METTL25: variants seen among roughly 807,000 people sequenced by gnomAD.
METTL25 encodes methyltransferase like 25.
A neutral mutation model predicts 71.6 loss-of-function variants in METTL25; 64 were observed. The ratio of observed to expected loss-of-function variants is 0.89; its 90% confidence interval spans 0.73 to 1.10. The LOEUF (loss-of-function observed/expected upper bound fraction) is 1.10, where lower values mean the gene tolerates loss of function less well. Among genes scored for constraint, METTL25 ranks in the 50% least tolerant of loss-of-function variants. The pLI, the probability that METTL25 is intolerant of heterozygous loss-of-function variation, is 0.00. For missense variants in METTL25, 807 were observed against 707.0 expected, an observed-to-expected ratio of 1.14 and a Z score of -1.60; for synonymous variants, 287 against 250.3, an observed-to-expected ratio of 1.15 and a Z score of -1.38.
chr12:82,476,316 C>CA (rs528243904), intron 9 of METTL25: 1 of 203,134 alleles, frequency 4.9e-6, no homozygotes, highest in Non-Finnish European at 9.8e-6. Flanking sequence ...TAATTTTAGT[C>CA]AAAAAATGTT....
At chr12:82,370,218 T>G (rs1883067953) in intron 1 of METTL25, among the ~76,000 whole-genome samples, 1 of 152,096 alleles carries the variant, frequency 6.6e-6, no homozygotes, top group African/African-American at 2.4e-5. Flanking sequence ...GGATCCTTGG[T>G]AGAAGTTGTT....
intron 9 of METTL25, among the ~76,000 whole-genome samples, chr12:82,476,045 A>G (rs1000890123): frequency 6.6e-6 from 1 of 152,132 alleles, no homozygotes; most frequent in Non-Finnish European, 1.5e-5. Flanking sequence ...AATAAATACA[A>G]TTGACTCAGT....
intron 3 of METTL25, among the ~76,000 whole-genome samples, chr12:82,396,178 C>T (rs113953989): frequency 4.1e-4 from 62 of 152,152 alleles, no homozygotes; most frequent in African/African-American, 1.4e-3. Flanking sequence ...TAAGCACACT[C>T]AAAGATGTTT....
intron 5 of METTL25, among the ~76,000 whole-genome samples, chr12:82,425,471 AG>A (rs1416716498): frequency 6.6e-6 from 1 of 152,094 alleles, no homozygotes; most frequent in African/African-American, 2.4e-5. Flanking sequence ...CAAATAAGAA[AG>A]AATGGCATTA....
intron 5 of METTL25, among the ~76,000 whole-genome samples, chr12:82,421,490 T>TA (rs1888487368): frequency 6.6e-6 from 1 of 152,180 alleles, no homozygotes; most frequent in African/African-American, 2.4e-5. Context: ...TAATTTTACA[T>TA]ATGTTGATTT....
intron 8 of METTL25, among the ~76,000 whole-genome samples, chr12:82,446,814 A>C (rs1447105615): frequency 6.6e-6 from 1 of 151,356 alleles, no homozygotes; most frequent in Non-Finnish European, 1.5e-5. Flanking sequence ...ACGGGGTTTC[A>C]CTATGTTGGC....
intron 1 of METTL25, among the ~76,000 whole-genome samples, chr12:82,362,368 G>A (rs553154143): frequency 6.6e-6 from 1 of 152,256 alleles, no homozygotes; most frequent in East Asian, 1.9e-4. Context: ...ACTTCAACTC[G>A]TTGTACATTA....
intron 8 of METTL25, among the ~76,000 whole-genome samples, chr12:82,453,904 T>C (rs1264744310): frequency 1.3e-5 from 2 of 152,116 alleles, no homozygotes; most frequent in African/African-American, 4.8e-5. Flanking sequence ...AAGACAGCTG[T>C]GTTCCAGCTG....
intron 8 of METTL25, among the ~76,000 whole-genome samples, chr12:82,444,029 A>G (rs1890557343): frequency 6.6e-6 from 1 of 152,206 alleles, no homozygotes; most frequent in Non-Finnish European, 1.5e-5. Context: ...TCAAGGAAAT[A>G]ATACAGAAAA....
At chr12:82,381,710 G>A (rs1252393274) in intron 1 of METTL25, among the ~76,000 whole-genome samples, 1 of 152,198 alleles carries the variant, frequency 6.6e-6, no homozygotes, top group Admixed American at 6.5e-5. Context: ...CGGTTAAGCT[G>A]TATTAAACAA....
chr12:82,364,652 A>G (rs556974332), intron 1 of METTL25, among the ~76,000 whole-genome samples: 1 of 152,336 alleles, frequency 6.6e-6, no homozygotes, highest in African/African-American at 2.4e-5. Context: ...GCAAAGATTA[A>G]AGATGATGTA....
chr12:82,474,830 A>G (rs1892790732), intron 9 of METTL25, among the ~76,000 whole-genome samples: 1 of 152,226 alleles, frequency 6.6e-6, no homozygotes, highest in Non-Finnish European at 1.5e-5. Context: ...AATGAGAAAG[A>G]GAAACAAAAC....
At chr12:82,428,915 G>T (rs1243894403) in intron 5 of METTL25, among the ~76,000 whole-genome samples, 1 of 151,692 alleles carries the variant, frequency 6.6e-6, no homozygotes, top group East Asian at 1.9e-4. Context: ...CATTTTTATT[G>T]ATACATAATA....
At chr12:82,398,274 G>T (rs1332936413) in intron 3 of METTL25, among the ~76,000 whole-genome samples, 2 of 149,624 alleles carry the variant, frequency 1.3e-5, no homozygotes, top group African/African-American at 2.5e-5. Context: ...TATAGAGACA[G>T]GATCTTGCTA....
chr12:82,386,209 C>T (rs541437869), intron 1 of METTL25, among the ~76,000 whole-genome samples: 1 of 152,248 alleles, frequency 6.6e-6, no homozygotes, highest in African/African-American at 2.4e-5. Flanking sequence ...CGCCCCCCTG[C>T]CACAAGTCTG....
intron 5 of METTL25, among the ~76,000 whole-genome samples, chr12:82,407,549 G>A (rs1394493423): frequency 2.0e-5 from 3 of 152,146 alleles, no homozygotes; most frequent in Non-Finnish European, 4.4e-5. Flanking sequence ...AGTGGGGAAA[G>A]CTAATAGTAA....
intron 1 of METTL25, among the ~76,000 whole-genome samples, chr12:82,383,956 A>G (rs1238618017): frequency 6.6e-6 from 1 of 152,138 alleles, no homozygotes; most frequent in East Asian, 1.9e-4. Flanking sequence ...CTTATGACCA[A>G]TTAGCCTATC....
intron 9 of METTL25, among the ~76,000 whole-genome samples, chr12:82,464,548 T>C (rs991977337): frequency 6.6e-6 from 1 of 152,058 alleles, no homozygotes; most frequent in Admixed American, 6.5e-5. Context: ...AGTAGTATGA[T>C]GCTTCCAGCT....
At chr12:82,461,829 T>C (rs544607906) in intron 9 of METTL25, among the ~76,000 whole-genome samples, 1 of 152,274 alleles carries the variant, frequency 6.6e-6, no homozygotes, top group South Asian at 2.1e-4. Flanking sequence ...ATGAAACATT[T>C]TGGGTACTAA....
Sources: gnomAD v4.1 joint callset for allele counts (sites outside exome capture counted in the v4.1 genomes callset) on GRCh38, gnomAD v4.1.1 for gene constraint, MANE v1.5 for transcripts, NCBI Gene and HGNC (gene_info 2026-07-23, HGNC 2026-07-21) for gene names.